The following KSR2 variants were observed in gnomAD, a reference collection of about 807,000 sequenced individuals.
The protein encoded by KSR2 is kinase suppressor of ras 2.
KSR2 carries 25 observed loss-of-function variants against 107.8 expected under a neutral mutation model. That is an observed-to-expected ratio of 0.23 (90% confidence interval 0.17 to 0.32). The LOEUF is 0.32. KSR2 is among the 10% of genes least tolerant of loss of function. The pLI, the probability that KSR2 is intolerant of heterozygous loss-of-function variation, is 1.00. For synonymous variants in KSR2, 480 were observed against 507.0 expected, an observed-to-expected ratio of 0.95 and a Z score of 0.71; for missense variants, 887 against 1,268.9, an observed-to-expected ratio of 0.70 and a Z score of 4.57.
At position 117,497,773 on chromosome 12, in the gene KSR2, G is replaced by C. The variant is rs376320816; in HGVS notation, c.2220-12082C>G. ...AGTGCTTTGTAACCTCTGAGGTGGG[G>C]GTGTACAGTCTGAATCGAATTCATA... On this transcript the variant is annotated intron_variant, in intron 14 of 19. Transcript: ENST00000339824. Among the ~76,000 whole-genome samples the C allele has an allele frequency of 7.2e-5, 11 of 152,304 alleles. No individual in the cohort carries two copies. In the East Asian group the frequency reaches 1.4e-3, roughly 19 times the overall value.
At chr12:117,554,886 C>T (rs375062934) in intron 9 of KSR2, among the ~76,000 whole-genome samples, 49 of 152,282 alleles carry the variant, frequency 3.2e-4, no homozygotes, top group African/African-American at 1.1e-3. Context: ...ACTAAGGAAA[C>T]TCCTTTTAAG....
chr12:117,905,738 G>A (rs1376772592), intron 1 of KSR2, among the ~76,000 whole-genome samples: 1 of 152,028 alleles, frequency 6.6e-6, no homozygotes, highest in Non-Finnish European at 1.5e-5. Context: ...CCTTATGCCT[G>A]GGGACAAGAC....
intron 5 of KSR2, among the ~76,000 whole-genome samples, chr12:117,640,349 C>A (rs975015804): frequency 1.5e-4 from 23 of 152,026 alleles, no homozygotes; most frequent in African/African-American, 5.1e-4. Context: ...CTCCCAAGTT[C>A]AAGTGACTCT....
intron 7 of KSR2, among the ~76,000 whole-genome samples, chr12:117,563,572 C>T (rs1228893215): frequency 6.6e-6 from 1 of 152,098 alleles, no homozygotes; most frequent in Non-Finnish European, 1.5e-5. Flanking sequence ...AAATATTTGG[C>T]ACACAGTAGA....
chr12:117,552,050 C>T (rs11068538), intron 9 of KSR2, among the ~76,000 whole-genome samples: 41,915 of 152,042 alleles, frequency 0.28, 5,968 homozygotes, highest in South Asian at 0.33. Flanking sequence ...ATTATACTTC[C>T]CAGAAGCCTC....
At chr12:117,630,349 A>G (rs907845817) in intron 5 of KSR2, among the ~76,000 whole-genome samples, 5 of 148,692 alleles carry the variant, frequency 3.4e-5, no homozygotes, top group Non-Finnish European at 7.4e-5. Flanking sequence ...TAGGGGAGGA[A>G]AGGAAGAAAA....
intron 14 of KSR2, among the ~76,000 whole-genome samples, chr12:117,517,095 A>C (rs888776440): frequency 3.9e-5 from 6 of 152,232 alleles, no homozygotes; most frequent in African/African-American, 1.4e-4. Flanking sequence ...GCTTAGAAGA[A>C]GGCAAATCCA....
chr12:117,720,679 C>A, intron 4 of KSR2, among the ~76,000 whole-genome samples: 1 of 152,140 alleles, frequency 6.6e-6, no homozygotes, highest in East Asian at 1.9e-4. Flanking sequence ...CACAGATGAA[C>A]GTCTAATCAT....
intron 5 of KSR2, among the ~76,000 whole-genome samples, chr12:117,618,548 T>G (rs539361557): frequency 6.6e-6 from 1 of 152,148 alleles, no homozygotes. Flanking sequence ...AATCTCATCT[T>G]GAATTGTAGC....
At chr12:117,589,123 C>T (rs6490129) in intron 5 of KSR2, among the ~76,000 whole-genome samples, 40,339 of 152,042 alleles carry the variant, frequency 0.27, 6,490 homozygotes, top group African/African-American at 0.46. Context: ...CAGCTCCATA[C>T]CATGTCCCCT....
intron 3 of KSR2, among the ~76,000 whole-genome samples, chr12:117,848,806 A>AGTGATGGTGGTGGGTG (rs1323752374): frequency 1.4e-4 from 18 of 126,730 alleles, no homozygotes; most frequent in Admixed American, 5.6e-4. Context: ...TGGTAACAAC[A>AGTGATGGTGGTGGGTG]GTGATGGTGG....
intron 4 of KSR2, among the ~76,000 whole-genome samples, chr12:117,697,175 T>C (rs1451777911): frequency 6.6e-6 from 1 of 152,210 alleles, no homozygotes; most frequent in Admixed American, 6.5e-5. Context: ...AAGGACAGCG[T>C]CCCTAAACTT....
At position 117,527,060 on chromosome 12, in the gene KSR2, C is replaced by T. The variant is rs1233975555; in HGVS notation, c.1851+11G>A. The T allele has an allele frequency of 1.2e-6, 2 of 1,613,124 alleles. No homozygotes were observed. Among genetic ancestry groups the T allele is most frequent in the Non-Finnish European group, 1.7e-6 (2 of 1,179,148 alleles). On this transcript the variant is annotated intron_variant, in intron 13 of 19. Coordinates refer to ENST00000339824, the MANE Select transcript of KSR2 (RefSeq NM_173598.6). ...CTGGAAAATGTCGCTTCACTGCTCT[C>T]TGATTCTCACCTCCGACGTTGGCTC...
intron 5 of KSR2, among the ~76,000 whole-genome samples, chr12:117,599,340 C>T (rs989740520): frequency 9.2e-5 from 14 of 152,186 alleles, no homozygotes; most frequent in African/African-American, 3.4e-4. Context: ...CTTCACGCAT[C>T]AGATTCCTGG....
At chr12:117,762,697 T>C (rs1198211610) in intron 3 of KSR2, among the ~76,000 whole-genome samples, 2 of 152,024 alleles carry the variant, frequency 1.3e-5, no homozygotes, top group African/African-American at 2.4e-5. Flanking sequence ...AAACTCCATC[T>C]CTACTAAAAA....
chr12:117,690,215 G>A (rs569154509), intron 4 of KSR2, among the ~76,000 whole-genome samples: 5 of 152,246 alleles, frequency 3.3e-5, no homozygotes, highest in Admixed American at 6.5e-5. Flanking sequence ...TATGTCCCCA[G>A]TCTATAGAAC....
At chr12:117,864,029 A>G (rs868308175) in intron 1 of KSR2, among the ~76,000 whole-genome samples, 18 of 152,066 alleles carry the variant, frequency 1.2e-4, no homozygotes, top group South Asian at 4.1e-4. Context: ...TCACACAATC[A>G]CAACTTCTGG....
intron 3 of KSR2, among the ~76,000 whole-genome samples, chr12:117,840,159 G>A (rs984748998): frequency 2.0e-5 from 3 of 150,356 alleles, no homozygotes; most frequent in South Asian, 2.1e-4. Flanking sequence ...AGTGCAATGC[G>A]CAATCTTGGC....
intron 4 of KSR2, among the ~76,000 whole-genome samples, chr12:117,697,819 C>T (rs1886135433): frequency 6.6e-6 from 1 of 151,770 alleles, no homozygotes; most frequent in Non-Finnish European, 1.5e-5. Context: ...AGTGAAGTCC[C>T]CTAAACTCCA....
Sources: allele counts gnomAD v4.1 joint callset (sites outside exome capture counted in the v4.1 genomes callset), GRCh38; gene constraint gnomAD v4.1.1; transcripts MANE v1.5; gene names NCBI Gene and HGNC (gene_info 2026-07-23, HGNC 2026-07-21).